Variants in CCDC171 observed in about 807,000 individuals in gnomAD.
CCDC171 encodes the protein coiled-coil domain-containing protein 171.
CCDC171 carries 177 observed loss-of-function variants against 168.2 expected under a neutral mutation model. The ratio of observed to expected loss-of-function variants is 1.05; its 90% CI spans 0.93 to 1.19. The LOEUF (loss-of-function observed/expected upper bound fraction) is 1.19, where lower values mean the gene tolerates loss of function less well. Ranked by LOEUF, CCDC171 falls within the 50% of genes most tolerant of loss-of-function variation. The pLI, the probability that CCDC171 is intolerant of heterozygous loss-of-function variation, is 0.00. For missense variants in CCDC171, 1,991 were observed against 1,539.0 expected (o/e 1.29, Z -4.91); for synonymous variants, 687 against 540.8 (o/e 1.27, Z -3.75).
At chr9:15,605,757 C>A (rs1272265316) in intron 6 of CCDC171, among the ~76,000 whole-genome samples, 3 of 151,960 alleles carry the variant, frequency 2.0e-5, no homozygotes, top group Non-Finnish European at 4.4e-5. Context: ...GGTCTTGCCC[C>A]TTTCACCTCT....
chr9:15,639,785 A>G (rs2046458234), intron 7 of CCDC171, among the ~76,000 whole-genome samples: 1 of 152,174 alleles, frequency 6.6e-6, no homozygotes, highest in Admixed American at 6.5e-5. Flanking sequence ...TATGCTTTAT[A>G]TGAGCCTGTT....
downstream of CCDC171, among the ~76,000 whole-genome samples, chr9:16,066,607 C>G (rs1270754451): frequency 8.4e-6 from 1 of 118,932 alleles, no homozygotes; most frequent in African/African-American, 3.1e-5. Flanking sequence ...GCTATCCCTC[C>G]CCCCTCCCCC....
intron 18 of CCDC171, among the ~76,000 whole-genome samples, chr9:15,767,229 A>G (rs2056771665): frequency 6.6e-6 from 1 of 152,216 alleles, no homozygotes; most frequent in Non-Finnish European, 1.5e-5. Flanking sequence ...TTATTGGGCC[A>G]AAATCAAGGT....
At chr9:15,804,203 C>G (rs2058966656) in intron 21 of CCDC171, among the ~76,000 whole-genome samples, 1 of 152,030 alleles carries the variant, frequency 6.6e-6, no homozygotes, top group Non-Finnish European at 1.5e-5. Flanking sequence ...TCCTCTCTTT[C>G]TATTTCCATA....
At chr9:16,044,085 G>A (rs184972518) in intron 1 of CCDC171, among the ~76,000 whole-genome samples, 4 of 152,316 alleles carry the variant, frequency 2.6e-5, no homozygotes, top group Admixed American at 2.0e-4. Flanking sequence ...TGATGAGATC[G>A]ATGTGTCTCC....
intron 24 of CCDC171, among the ~76,000 whole-genome samples, chr9:15,908,900 G>C (rs1481509883): frequency 2.0e-5 from 3 of 152,132 alleles, no homozygotes; most frequent in African/African-American, 7.2e-5. Context: ...CTCCCACCAG[G>C]TCCCGCTTCC....
At position 15,729,689 on chromosome 9, in the gene CCDC171, C is replaced by A. The variant is rs1198688368; in HGVS notation, c.1940C>A (p.Thr647Asn). ...ELQQTQEDTF[T>N]KVAEQIKAQE... is the part of the protein sequence containing the mutation. ...CAGCAGACTCAGGAAGACACCTTTACCAAAGTGGCAGAACAGATCAAAGCC... is the reference window on the plus strand; with the variant it reads ...CAGCAGACTCAGGAAGACACCTTTAACAAAGTGGCAGAACAGATCAAAGCC... The change falls in exon 16 of 26, where the codon ACC becomes AAC. Residue 647 changes from threonine (T) to asparagine (N), a missense_variant. Transcript: ENST00000380701. The A allele has an allele frequency of 1.2e-6, 2 of 1,613,290 alleles. No individual in the cohort carries two copies. Among genetic ancestry groups the A allele is most frequent in the Non-Finnish European group, 1.7e-6 (2 of 1,179,548 alleles).
rs1397475402 is a variant in CCDC171 at position 15,596,298 on chromosome 9, A to G, written c.675+2126A>G. On this transcript the variant is annotated intron_variant, in intron 6 of 25. Transcript: ENST00000380701. ...TTCAGGTCTAACATTTAAGTCTTTA[A>G]TCCATCTTGAATTAATTTTTGTATA... Among the ~76,000 whole-genome samples, 3 of 152,028 alleles carry G rather than the reference A, an allele frequency of 2.0e-5. No individual in the cohort carries two copies. In the East Asian group the frequency reaches 5.8e-4, roughly 29 times the overall value.
At chr9:15,648,434 A>G (rs1471656165) in intron 7 of CCDC171, among the ~76,000 whole-genome samples, 2 of 152,308 alleles carry the variant, frequency 1.3e-5, no homozygotes, top group South Asian at 2.1e-4. Flanking sequence ...AGGGTATTCA[A>G]TGAGGAAAAG....
At chr9:15,655,450 C>A (rs745918325) in intron 7 of CCDC171, among the ~76,000 whole-genome samples, 1 of 152,094 alleles carries the variant, frequency 6.6e-6, no homozygotes, top group Non-Finnish European at 1.5e-5. Flanking sequence ...ACTAGTAATC[C>A]GCTACTTCCC....
chr9:15,587,024 G>A (rs1202100613), intron 4 of CCDC171, among the ~76,000 whole-genome samples: 1 of 152,080 alleles, frequency 6.6e-6, no homozygotes, highest in Non-Finnish European at 1.5e-5. Flanking sequence ...TGTTGACCAG[G>A]CTGGTGTCAA....
intron 9 of CCDC171, among the ~76,000 whole-genome samples, chr9:15,671,548 C>G (rs1025471245): frequency 2.0e-5 from 3 of 149,878 alleles, no homozygotes; most frequent in African/African-American, 7.4e-5. Flanking sequence ...GTGATGTTCC[C>G]TGCCCTGTGT....
chr9:15,708,138 G>A (rs909631041), intron 11 of CCDC171, among the ~76,000 whole-genome samples: 4 of 152,192 alleles, frequency 2.6e-5, no homozygotes, highest in Non-Finnish European at 5.9e-5. Context: ...ATGAGCCACT[G>A]CACCCCCAAA....
intron 4 of CCDC171, among the ~76,000 whole-genome samples, chr9:15,580,483 A>G (rs907894477): frequency 2.6e-5 from 4 of 152,208 alleles, no homozygotes; most frequent in Non-Finnish European, 5.9e-5. Flanking sequence ...CAAACTATGC[A>G]TCTGACAAAG....
At chr9:15,734,870 T>C (rs779097799) in intron 16 of CCDC171, among the ~76,000 whole-genome samples, 3 of 152,194 alleles carry the variant, frequency 2.0e-5, no homozygotes, top group Non-Finnish European at 4.4e-5. Flanking sequence ...TTGTGAGTTA[T>C]AGAGGATGTT....
In CCDC171 at chr9:15,758,062, G is replaced by T. The variant is rs556343310; in HGVS notation, c.2671+12431G>T. On this transcript the variant is annotated intron_variant, in intron 18 of 25. Transcript: ENST00000380701. ...GAGCCCCCACACAGAGTCCCTACTG[G>T]GGCATCTGCCTAGTGGAGCTGTGAG... is the stretch of plus-strand genomic sequence containing the variant. Among the ~76,000 whole-genome samples, 7 of 152,258 alleles carry T rather than the reference G, an allele frequency of 4.6e-5. No homozygotes were observed. The East Asian group carries it at 1.4e-3, about 29-fold the overall frequency.
At chr9:15,870,422 G>A (rs1287414937) in intron 23 of CCDC171, among the ~76,000 whole-genome samples, 3 of 151,674 alleles carry the variant, frequency 2.0e-5, no homozygotes, top group Non-Finnish European at 2.9e-5. Context: ...CTGGTAAAAA[G>A]GTTTATTTTG....
chr9:15,595,439 G>C (rs534447457), intron 6 of CCDC171, among the ~76,000 whole-genome samples: 1 of 152,050 alleles, frequency 6.6e-6, no homozygotes, highest in African/African-American at 2.4e-5. Context: ...GAGAATGATG[G>C]TTTCCAGCTT....
chr9:15,948,338 C>T (rs9722191), intron 25 of CCDC171, among the ~76,000 whole-genome samples: 30,384 of 129,220 alleles, frequency 0.24, 2,881 homozygotes, highest in East Asian at 0.49. Flanking sequence ...TGGGTATATA[C>T]CCAGTAATGG....
Sources: allele counts gnomAD v4.1 joint callset (sites outside exome capture counted in the v4.1 genomes callset), GRCh38; gene constraint gnomAD v4.1.1; transcripts MANE v1.5; gene names NCBI Gene and HGNC (gene_info 2026-07-23, HGNC 2026-07-21).